Variants in NMUR2 observed in about 807,000 individuals in gnomAD.
NMUR2 encodes the protein neuromedin-U receptor 2.
NMUR2 carries 24 observed loss-of-function variants against 25.1 expected under a neutral mutation model. That is an observed-to-expected ratio of 0.96 (90% CI 0.69 to 1.34). The LOEUF (loss-of-function observed/expected upper bound fraction) is 1.34. Ranked by LOEUF, NMUR2 falls within the 40% of genes most tolerant of loss-of-function variation. The probability of loss-of-function intolerance (pLI) is 0.00; values close to 1 mark genes in which losing one functional copy is unlikely to be tolerated. For synonymous variants in NMUR2, 218 were observed against 208.1 expected (o/e 1.05, Z -0.41); for missense variants, 533 against 512.8 (o/e 1.04, Z -0.38).
At chr5:152,393,113 T>G (rs1358431015) in intron 3 of NMUR2, among the ~76,000 whole-genome samples, 1 of 152,230 alleles carries the variant, frequency 6.6e-6, no homozygotes, top group Non-Finnish European at 1.5e-5. Flanking sequence ...ACACTCTTCC[T>G]TTATTGCCTT....
intron 1 of NMUR2, among the ~76,000 whole-genome samples, chr5:152,403,296 G>T (rs1345823400): frequency 6.6e-6 from 1 of 152,126 alleles, no homozygotes; most frequent in African/African-American, 2.4e-5. Context: ...CTGTAGATCT[G>T]GGAGTCTAAA....
chr5:152,393,504 A>G (rs1753096981), intron 3 of NMUR2, among the ~76,000 whole-genome samples: 1 of 152,234 alleles, frequency 6.6e-6, no homozygotes, highest in South Asian at 2.1e-4. Context: ...CTATTAGTTC[A>G]TTCAAAAAAT....
At chr5:152,395,651 T>G in intron 2 of NMUR2, 67 bp from the exon 3 acceptor site, 3 of 1,541,978 alleles carry the variant, frequency 1.9e-6, no homozygotes, top group Non-Finnish European at 2.6e-6. Context: ...CAATGCTCAC[T>G]CTGAGTCAAT....
In NMUR2 at chr5:152,404,718, G is replaced by A. The variant is rs756612508; in HGVS notation, c.396C>T (p.Ala132=). Residue 132 remains alanine, a synonymous_variant, in exon 1 of 4, where the codon GCC becomes GCT. Coordinates refer to ENST00000255262, the MANE Select transcript of NMUR2 (RefSeq NM_020167.5). ...KTALFETVCF[A]SILSITTVSV... ...TGACGGTGGTGATGCTGAGGATGGA[G>A]GCGAAGCACACGGTCTCAAAGAGGG... 7 of 1,614,052 alleles carry A rather than the reference G, an allele frequency of 4.3e-6. No individual in the cohort carries two copies. Among genetic ancestry groups the A allele is most frequent in the Admixed American group, 1.7e-5 (1 of 60,004 alleles).
At chr5:152,395,678 T>A in intron 2 of NMUR2, 94 bp from the exon 3 acceptor site, 1 of 1,445,656 alleles carries the variant, frequency 6.9e-7, no homozygotes. Flanking sequence ...TTCTGGCAGT[T>A]TTTCCCTTCA....
At chr5:152,395,614 A>C (rs752914985) in intron 2 of NMUR2, 30 bp from the exon 3 acceptor site, 1 of 1,611,060 alleles carries the variant, frequency 6.2e-7, no homozygotes, top group Non-Finnish European at 8.5e-7. Flanking sequence ...GGGAGACCAG[A>C]AGACAGTCTG....
chr5:152,404,307 A>G, intron 1 of NMUR2, 81 bp downstream of exon 1: 1 of 1,482,662 alleles, frequency 6.7e-7, no homozygotes, highest in Non-Finnish European at 9.1e-7. Context: ...GAATTTCCCC[A>G]ATTCTAAGTT....
intron 3 of NMUR2, among the ~76,000 whole-genome samples, chr5:152,394,708 A>G (rs1049654922): frequency 6.6e-6 from 1 of 152,194 alleles, no homozygotes; most frequent in Admixed American, 6.5e-5. Context: ...TGACTATACA[A>G]TGTTAATCAT....
chr5:152,392,604 G>T, intron 3 of NMUR2, 103 bp from the exon 4 acceptor site: 2 of 855,226 alleles, frequency 2.3e-6, no homozygotes, highest in Non-Finnish European at 3.7e-6. Context: ...CCCTGTGATT[G>T]CCTCTTTTAT....
intron 1 of NMUR2, among the ~76,000 whole-genome samples, chr5:152,401,038 G>A (rs1392161840): frequency 6.6e-6 from 1 of 152,136 alleles, no homozygotes; most frequent in Non-Finnish European, 1.5e-5. Flanking sequence ...CTTACATATG[G>A]TGTACATTGT....
chr5:152,398,111 C>T lies in NMUR2; in HGVS notation c.760G>A (p.Gly254Arg), dbSNP rs753921106. The T allele has an allele frequency of 2.5e-6, 4 of 1,613,296 alleles. No homozygotes were observed. Among genetic ancestry groups the T allele is most frequent in the Non-Finnish European group, 3.4e-6 (4 of 1,179,542 alleles). ...KKDKSLEADE[G>R]NANIQRPCRK... ...CAGGGTCTTTGAATATTTGCATTCC[C>T]TTCATCTGCCTCAAGAGATTTGTCT... is the stretch of plus-strand genomic sequence containing the variant. Residue 254 changes from glycine to arginine, a missense_variant, in exon 2 of 4, where the codon GGG becomes AGG. By Grantham distance (125) the Gly-to-Arg change is moderately radical. Coordinates refer to ENST00000255262, the MANE Select transcript of NMUR2 (RefSeq NM_020167.5).
In NMUR2 at chr5:152,404,554, A is replaced by T; in HGVS notation, c.560T>A (p.Ile187Asn). The T allele has an allele frequency of 6.2e-7, 1 of 1,614,076 alleles. No homozygotes were observed. The highest frequency in any genetic ancestry group is 8.5e-7 in the Non-Finnish European group (1 of 1,180,002). ...CCCATTGGGGAAGTAGTGGAACTTG[A>T]TGCCATGGATGCTGGTGTTGGGCAG... ...FSLPNTSIHGIKFHYFPNGSL... is the reference protein window; with the variant it reads ...FSLPNTSIHGNKFHYFPNGSL... Residue 187 changes from isoleucine (I) to asparagine (N), a missense_variant, in exon 1 of 4, where the codon ATC becomes AAC. Physicochemically the swap from Ile to Asn is moderately radical, Grantham distance 149. Transcript: ENST00000255262.
Position 152,398,072 on chromosome 5 carries a change from T to G in NMUR2, c.799A>C (p.Asn267His). ...ATGGGGCACTTACACAGCATCTTGTTGACTGATTTTCTGCAGGGTCTTTGA... is the reference window on the plus strand; with the variant it reads ...ATGGGGCACTTACACAGCATCTTGTGGACTGATTTTCTGCAGGGTCTTTGA... ...NIQRPCRKSV[N>H]KMLFVLVLVF... Residue 267 changes from asparagine (N) to histidine (H), a missense_variant, in exon 2 of 4, where the codon AAC becomes CAC. Transcript: ENST00000255262. 6.2e-7 allele frequency: 1 copy of G among 1,613,022 alleles called. No homozygotes were observed. The highest frequency in any genetic ancestry group is 8.5e-7 in the Non-Finnish European group (1 of 1,179,236).
chr5:152,398,030 A>C (rs754758185), intron 2 of NMUR2, 30 bp downstream of exon 2: 1 of 1,563,372 alleles, frequency 6.4e-7, no homozygotes, highest in South Asian at 1.1e-5. Context: ...TATGAACAAA[A>C]CAAAACAAAA....
intron 1 of NMUR2, among the ~76,000 whole-genome samples, chr5:152,403,459 T>C (rs1326793905): frequency 6.6e-6 from 1 of 152,046 alleles, no homozygotes; most frequent in Non-Finnish European, 1.5e-5. Flanking sequence ...TTAAAAATAG[T>C]TTCTCTCAGC....
In NMUR2 at chr5:152,398,153, GAAGT is replaced by G. The variant is rs1182578491; in HGVS notation, c.727-13_727-10del. On this transcript the variant is annotated splice_polypyrimidine_tract_variant and intron_variant, in intron 1 of 3. Transcript: ENST00000255262. ...GATTTGTCTTTCTTTAGCTGAAAGG[GAAGT>G]AAGTTGGGAGAGATAGTAAGAAAGA... is the stretch of plus-strand genomic sequence containing the variant. 3 of 1,600,108 alleles carry G rather than the reference GAAGT, an allele frequency of 1.9e-6. No individual in the cohort carries two copies. Among genetic ancestry groups the G allele is most frequent in the Admixed American group, 3.3e-5 (2 of 59,738 alleles).
chr5:152,397,595 A>ATT (rs200628437), intron 2 of NMUR2, among the ~76,000 whole-genome samples: 164 of 143,480 alleles, frequency 1.1e-3, no homozygotes, highest in African/African-American at 4.0e-3. Flanking sequence ...ATATTTGTTC[A>ATT]TTTTTTTTTT....
At chr5:152,404,081 A>G (rs1753304390) in intron 1 of NMUR2, among the ~76,000 whole-genome samples, 1 of 152,192 alleles carries the variant, frequency 6.6e-6, no homozygotes, top group Non-Finnish European at 1.5e-5. Context: ...CCTGGGGGTG[A>G]GGTATGCATA....
At chr5:152,398,210 G>T (rs1753196179) in intron 1 of NMUR2, 66 bp from the exon 2 acceptor site, 3 of 1,151,562 alleles carry the variant, frequency 2.6e-6, no homozygotes, top group East Asian at 2.4e-5. Context: ...GTTAAAATCT[G>T]AGAAACATAA....
Sources: allele counts gnomAD v4.1 joint callset (sites outside exome capture counted in the v4.1 genomes callset), GRCh38; gene constraint gnomAD v4.1.1; transcripts MANE v1.5; gene names NCBI Gene and HGNC (gene_info 2026-07-23, HGNC 2026-07-21).